The following ENOX1 variants were observed in gnomAD, a reference collection of about 807,000 sequenced individuals.
ENOX1 encodes the protein ecto-NOX disulfide-thiol exchanger 1.
ENOX1 carries 42 observed loss-of-function variants against 82.5 expected under a neutral mutation model. That is an observed-to-expected ratio of 0.51 (90% CI 0.40 to 0.66). The LOEUF is 0.66. ENOX1 is among the 30% of genes least tolerant of loss of function. The pLI is 0.00. For missense variants in ENOX1, 608 were observed against 811.6 expected, an observed-to-expected ratio of 0.75 and a Z score of 3.05; for synonymous variants, 271 against 282.2, an observed-to-expected ratio of 0.96 and a Z score of 0.40.
At chr13:43,594,559 A>G (rs926696079) in intron 2 of ENOX1, among the ~76,000 whole-genome samples, 1 of 152,198 alleles carries the variant, frequency 6.6e-6, no homozygotes, top group African/African-American at 2.4e-5. Context: ...TTTGGTTTAT[A>G]TATAGGTGGT....
intron 1 of ENOX1, among the ~76,000 whole-genome samples, chr13:43,694,975 C>G (rs902081887): frequency 6.6e-6 from 1 of 152,170 alleles, no homozygotes; most frequent in Non-Finnish European, 1.5e-5. Context: ...AAGGCAAGGC[C>G]AGCAACCATT....
chr13:43,607,242 CAAAAATT>C (rs1477450878), intron 2 of ENOX1, among the ~76,000 whole-genome samples: 1 of 151,238 alleles, frequency 6.6e-6, no homozygotes, highest in South Asian at 2.1e-4. Context: ...TACGTAACCA[CAAAAATT>C]AAAAATTAAA....
chr13:43,621,488 CTG>C (rs1392875601), intron 2 of ENOX1, among the ~76,000 whole-genome samples: 2 of 152,122 alleles, frequency 1.3e-5, no homozygotes, highest in Non-Finnish European at 2.9e-5. Context: ...CTGAAAAAGA[CTG>C]TATCTTTCCT....
At chr13:43,573,968 C>T (rs1451088998) in intron 2 of ENOX1, among the ~76,000 whole-genome samples, 2 of 152,016 alleles carry the variant, frequency 1.3e-5, no homozygotes, top group African/African-American at 4.8e-5. Flanking sequence ...CCATTGCTTC[C>T]CCAAACAGGA....
intron 2 of ENOX1, among the ~76,000 whole-genome samples, chr13:43,652,822 T>C (rs911110330): frequency 3.3e-5 from 5 of 152,148 alleles, no homozygotes; most frequent in African/African-American, 1.2e-4. Context: ...GTGATGAGCA[T>C]TCATTGGTCC....
intron 1 of ENOX1, among the ~76,000 whole-genome samples, chr13:43,688,714 G>T (rs576920192): frequency 6.6e-6 from 1 of 152,142 alleles, no homozygotes; most frequent in African/African-American, 2.4e-5. Flanking sequence ...TGAACTCAGC[G>T]TCTGGTTGTC....
intron 3 of ENOX1, among the ~76,000 whole-genome samples, chr13:43,469,871 A>C (rs1470259076): frequency 1.3e-5 from 2 of 151,924 alleles, no homozygotes; most frequent in Non-Finnish European, 2.9e-5. Context: ...TGACTTGAAG[A>C]CTTACTATAA....
intron 11 of ENOX1, among the ~76,000 whole-genome samples, chr13:43,316,213 A>G (rs2153521878): frequency 6.6e-6 from 1 of 152,266 alleles, no homozygotes; most frequent in Non-Finnish European, 1.5e-5. Flanking sequence ...TGGAGACCCC[A>G]CCCAGGTCTA....
At chr13:43,558,757 A>G (rs1354049853) in intron 2 of ENOX1, among the ~76,000 whole-genome samples, 1 of 152,214 alleles carries the variant, frequency 6.6e-6, no homozygotes, top group Admixed American at 6.5e-5. Context: ...AGATACAGAG[A>G]CTAAAGAGAA....
At chr13:43,292,640 T>TAAA (rs2046063559) in intron 12 of ENOX1, among the ~76,000 whole-genome samples, 1 of 151,656 alleles carries the variant, frequency 6.6e-6, no homozygotes, top group Non-Finnish European at 1.5e-5. Context: ...AAAAACCCTA[T>TAAA]AAAATATTAG....
intron 2 of ENOX1, among the ~76,000 whole-genome samples, chr13:43,611,288 G>C (rs1264323241): frequency 6.6e-6 from 1 of 152,116 alleles, no homozygotes; most frequent in Admixed American, 6.6e-5. Flanking sequence ...TAGGCATTAA[G>C]AATTACAATA....
chr13:43,410,330 T>C lies in ENOX1; in HGVS notation c.208+1586A>G, dbSNP rs150221405. Among the ~76,000 whole-genome samples, 336 of 152,212 alleles carry C rather than the reference T, an allele frequency of 2.2e-3. 1 individual carries two copies. Among genetic ancestry groups the C allele is most frequent in the African/African-American group, 7.5e-3 (312 of 41,536 alleles). The stretch of plus-strand genomic sequence containing the variant: ...GTTATTAGAAGAAAGTATCTGTCTA[T>C]GTAAGCTTTAGGGAAAAGGGGCCTG... On this transcript the variant is annotated intron_variant, in intron 5 of 16. Transcript: ENST00000690772.
chr13:43,735,785 T>C (rs1413664457), intron 1 of ENOX1, among the ~76,000 whole-genome samples: 2 of 151,440 alleles, frequency 1.3e-5, no homozygotes, highest in African/African-American at 4.8e-5. Context: ...GGGATAAAAA[T>C]AATTCAAAAT....
chr13:43,282,117 G>T (rs1244831419), intron 12 of ENOX1, among the ~76,000 whole-genome samples: 1 of 152,084 alleles, frequency 6.6e-6, no homozygotes, highest in African/African-American at 2.4e-5. Context: ...ATCATGAATG[G>T]ATATTTGGTG....
intron 9 of ENOX1, among the ~76,000 whole-genome samples, chr13:43,332,305 C>A (rs1020116436): frequency 1.3e-5 from 2 of 152,126 alleles, no homozygotes; most frequent in South Asian, 4.2e-4. Context: ...AGCATGCAAC[C>A]TAGATCCCTT....
intron 3 of ENOX1, among the ~76,000 whole-genome samples, chr13:43,464,724 C>G (rs941630336): frequency 2.0e-5 from 3 of 152,170 alleles, no homozygotes; most frequent in Admixed American, 1.3e-4. Flanking sequence ...AACTAAGAAG[C>G]CAACATTGGT....
intron 8 of ENOX1, among the ~76,000 whole-genome samples, chr13:43,354,916 A>C (rs900894983): frequency 1.3e-5 from 2 of 152,312 alleles, no homozygotes; most frequent in Non-Finnish European, 2.9e-5. Context: ...CTCTATAAAG[A>C]CTTTCTTGAC....
At chr13:43,469,262 C>T (rs1027549851) in intron 3 of ENOX1, among the ~76,000 whole-genome samples, 3 of 151,914 alleles carry the variant, frequency 2.0e-5, no homozygotes, top group Middle Eastern at 3.4e-3. Flanking sequence ...GAGTTTATAC[C>T]GATTAATTTT....
intron 1 of ENOX1, among the ~76,000 whole-genome samples, chr13:43,738,977 C>T (rs567237619): frequency 7.9e-5 from 12 of 152,266 alleles, no homozygotes; most frequent in African/African-American, 2.6e-4. Context: ...ATGGACAGTG[C>T]CCATCCTTCC....
Sources: gnomAD v4.1 joint callset for allele counts (sites outside exome capture counted in the v4.1 genomes callset) on GRCh38, gnomAD v4.1.1 for gene constraint, MANE v1.5 for transcripts, NCBI Gene and HGNC (gene_info 2026-07-23, HGNC 2026-07-21) for gene names.